Variants in AXIN1 observed in about 807,000 individuals in gnomAD.
The protein encoded by AXIN1 is axin 1, also known as axin-1.
AXIN1 carries 30 observed loss-of-function variants against 76.4 expected under a neutral mutation model. That is an observed-to-expected ratio of 0.39 (90% CI 0.29 to 0.53). The LOEUF is 0.53. Among genes scored for constraint, AXIN1 ranks in the 20% least tolerant of loss-of-function variants. AXIN1 has a pLI of 0.66. For synonymous variants in AXIN1, 545 were observed against 501.4 expected, an observed-to-expected ratio of 1.09 and a Z score of -1.16; for missense variants, 1,140 against 1,198.8, an observed-to-expected ratio of 0.95 and a Z score of 0.72.
chr16:333,304 C>G (rs979608242), intron 2 of AXIN1, among the ~76,000 whole-genome samples: 3 of 151,696 alleles, frequency 2.0e-5, no homozygotes, highest in Admixed American at 2.0e-4. Flanking sequence ...TGCACCCCAG[C>G]CCGGGCAACA....
At chr16:333,332 C>T (rs1186624946) in intron 2 of AXIN1, among the ~76,000 whole-genome samples, 1 of 146,716 alleles carries the variant, frequency 6.8e-6, no homozygotes, top group Non-Finnish European at 1.5e-5. Flanking sequence ...AATTCCATCT[C>T]GAAAAAAAAA....
intron 4 of AXIN1, among the ~76,000 whole-genome samples, chr16:309,471 C>A (rs2053117116): frequency 6.6e-6 from 1 of 152,218 alleles, no homozygotes; most frequent in South Asian, 2.1e-4. Flanking sequence ...TACTGCCCAG[C>A]CAAGCCCCCA....
chr16:311,085 T>C (rs1567278437), intron 3 of AXIN1, among the ~76,000 whole-genome samples: 7 of 132,132 alleles, frequency 5.3e-5, no homozygotes, highest in Admixed American at 1.6e-4. Context: ...CAGGCTGGAG[T>C]GTAGTGGCGC....
At chr16:302,210 C>T (rs888865402) in intron 5 of AXIN1, among the ~76,000 whole-genome samples, 6 of 152,336 alleles carry the variant, frequency 3.9e-5, no homozygotes, top group East Asian at 3.9e-4. Flanking sequence ...CCTGCGGCCC[C>T]GGCTAGGTTC....
rs1488295092 is a variant in AXIN1, at chr16:339,299, C to T, written c.878+6849G>A. 4.8e-5 allele frequency among the ~76,000 whole-genome samples: 7 copies of T among 147,244 alleles called. No individual in the cohort carries two copies. In the East Asian group the frequency reaches 8.0e-4, roughly 17 times the overall value. On this transcript the variant is annotated intron_variant, in intron 2 of 10. Transcript: ENST00000262320. ...TAGGCGGATCACAAGGTCAGGAGAT[C>T]GAGACCATCCTGGCTAACAAGGTGA...
chr16:349,978 TG>T (rs1028981934), intron 1 of AXIN1, among the ~76,000 whole-genome samples: 3 of 152,108 alleles, frequency 2.0e-5, no homozygotes, highest in Non-Finnish European at 4.4e-5. Context: ...TACTGTATTT[TG>T]GGTTTCACCA....
In AXIN1 at chr16:314,638, G is replaced by A. The variant is rs748557914; in HGVS notation, c.924C>T (p.Ala308=). The change falls in exon 3 of 11, where the codon GCC becomes GCT. Residue 308 remains alanine (A), a synonymous_variant. Transcript: ENST00000262320. ...REPVNPYYVN[A]GYALAPATSA... ...TGGTGGCTGGGGCCAGGGCATAGCC[G>A]GCATTGACATAATAGGGGTTGACTG... The A allele has an allele frequency of 4.3e-5, 69 of 1,613,824 alleles. 2 individuals carry two copies. The Middle Eastern group carries it at 4.9e-3, about 115-fold the overall frequency.
chr16:351,143 A>C (rs1035444075), intron 1 of AXIN1, among the ~76,000 whole-genome samples: 1 of 151,838 alleles, frequency 6.6e-6, no homozygotes, highest in Non-Finnish European at 1.5e-5. Flanking sequence ...AAAAAAAAAA[A>C]AAAACTGAAA....
At chr16:342,266 C>A (rs1356361151) in intron 2 of AXIN1, among the ~76,000 whole-genome samples, 2 of 152,160 alleles carry the variant, frequency 1.3e-5, no homozygotes, top group African/African-American at 4.8e-5. Context: ...ACTCCGAACA[C>A]CTCCGAACGT....
chr16:294,460 CAAAAAAA>C (rs35746106), intron 7 of AXIN1, among the ~76,000 whole-genome samples: 4 of 48,288 alleles, frequency 8.3e-5, no homozygotes, highest in African/African-American at 1.7e-4. Context: ...GACTCCATCT[CAAAAAAA>C]AAAAAAAAAA....
At chr16:341,802 C>T (rs1424635767) in intron 2 of AXIN1, among the ~76,000 whole-genome samples, 1 of 152,242 alleles carries the variant, frequency 6.6e-6, no homozygotes, top group Non-Finnish European at 1.5e-5. Context: ...TTTGTAAACA[C>T]ACCAATCAGC....
At chr16:343,667 C>T (rs1314949904) in intron 2 of AXIN1, among the ~76,000 whole-genome samples, 1 of 149,358 alleles carries the variant, frequency 6.7e-6, no homozygotes, top group African/African-American at 2.5e-5. Context: ...TGCACTACTG[C>T]ACTCCAGCCT....
rs746377685 is a variant in AXIN1, at chr16:293,264, G to A, written c.2186+224C>T. On this transcript the variant is annotated intron_variant, in intron 8 of 10. Coordinates refer to ENST00000262320, the MANE Select transcript of AXIN1 (RefSeq NM_003502.4). The surrounding 1 kb of genome is among the most constrained non-coding windows in gnomAD (Gnocchi z 4.6). ...CCGCCTCCAGAGCAATGAGCGCGGC[G>A]GCCTCGGGTGTGTGAAAGCTCCAGC... 61 of 597,708 alleles carry A rather than the reference G, an allele frequency of 1.0e-4. No individual in the cohort carries two copies. Among genetic ancestry groups the A allele is most frequent in the Non-Finnish European group, 1.7e-4 (57 of 336,356 alleles). The allele number at this position is 597,708 out of a possible 1,614,324, so 37.0% of individuals were successfully genotyped here.
chr16:327,476 C>G (rs2053608656), intron 2 of AXIN1, among the ~76,000 whole-genome samples: 1 of 152,238 alleles, frequency 6.6e-6, no homozygotes, highest in Admixed American at 6.5e-5. Flanking sequence ...CCAGCCTTTT[C>G]TTTGTTTTAT....
intron 4 of AXIN1, among the ~76,000 whole-genome samples, chr16:307,019 G>A (rs1011823769): frequency 2.6e-5 from 4 of 152,244 alleles, no homozygotes; most frequent in Admixed American, 2.0e-4. Context: ...TGGCTTTTCC[G>A]TGCCCAGTGC....
At chr16:310,680 C>T (rs1303453245) in intron 3 of AXIN1, among the ~76,000 whole-genome samples, 2 of 152,220 alleles carry the variant, frequency 1.3e-5, no homozygotes, top group East Asian at 1.9e-4. Flanking sequence ...TAATTACAGG[C>T]GCAAGCCACG....
intron 7 of AXIN1, among the ~76,000 whole-genome samples, chr16:295,918 G>C (rs1457507221): frequency 2.0e-5 from 3 of 152,182 alleles, no homozygotes; most frequent in Non-Finnish European, 4.4e-5. Flanking sequence ...AGTTAGCCAA[G>C]ATTGCACCAC....
chr16:294,532 A>C (rs2052656175), intron 7 of AXIN1, among the ~76,000 whole-genome samples: 1 of 150,180 alleles, frequency 6.7e-6, no homozygotes, highest in Non-Finnish European at 1.5e-5. Flanking sequence ...AGGCGGGTGG[A>C]TCATCTGAGG....
intron 5 of AXIN1, among the ~76,000 whole-genome samples, chr16:302,931 G>A (rs548750431): frequency 2.0e-5 from 3 of 152,038 alleles, no homozygotes; most frequent in South Asian, 4.2e-4. Flanking sequence ...GCACAGCCTC[G>A]GCTCACTGTA....
Sources: gnomAD v4.1 joint callset for allele counts (sites outside exome capture counted in the v4.1 genomes callset) on GRCh38, gnomAD v4.1.1 for gene constraint, Gnocchi (gnomAD v3.1) non-coding constraint, MANE v1.5 for transcripts, NCBI Gene and HGNC (gene_info 2026-07-23, HGNC 2026-07-21) for gene names.